Variants in GOT2 observed in about 807,000 individuals in gnomAD.
GOT2 encodes glutamic-oxaloacetic transaminase 2, also known as aspartate aminotransferase, mitochondrial.
A neutral mutation model predicts 50.0 loss-of-function variants in GOT2; 17 were observed. The observed-to-expected ratio is 0.34, with a 90% confidence interval of 0.23 to 0.51. GOT2 has a LOEUF of 0.51. GOT2 is among the 20% of genes least tolerant of loss of function. The probability of loss-of-function intolerance (pLI) is 0.97; values close to 1 mark genes in which losing one functional copy is unlikely to be tolerated. For missense variants in GOT2, 430 were observed against 559.6 expected, an observed-to-expected ratio of 0.77 and a Z score of 2.34; for synonymous variants, 172 against 204.9, an observed-to-expected ratio of 0.84 and a Z score of 1.37.
At chr16:58,718,921 G>A (rs966609439) in intron 4 of GOT2, among the ~76,000 whole-genome samples, 1 of 152,166 alleles carries the variant, frequency 6.6e-6, no homozygotes, top group African/African-American at 2.4e-5. Flanking sequence ...TGTAAAGGGG[G>A]TTAATTGTAC....
intron 1 of GOT2, among the ~76,000 whole-genome samples, chr16:58,727,929 T>C (rs566912022): frequency 6.6e-6 from 1 of 152,268 alleles, no homozygotes. Flanking sequence ...AAGTTCTCCG[T>C]GTTCACCATG....
intron 8 of GOT2, among the ~76,000 whole-genome samples, chr16:58,714,586 T>C (rs1330226959): frequency 1.3e-5 from 2 of 150,832 alleles, no homozygotes; most frequent in Non-Finnish European, 1.5e-5. Context: ...GGTCTCGTTG[T>C]GCACACCTGT....
intron 8 of GOT2, among the ~76,000 whole-genome samples, chr16:58,711,473 G>A (rs1393856447): frequency 6.6e-6 from 1 of 152,112 alleles, no homozygotes; most frequent in Non-Finnish European, 1.5e-5. Context: ...CCTGTTCTTA[G>A]GTGTTCACTT....
intron 8 of GOT2, 140 bp downstream of exon 8, chr16:58,715,874 C>A: frequency 1.6e-6 from 1 of 642,090 alleles, no homozygotes; most frequent in Non-Finnish European, 2.6e-6. Context: ...AAAAGGAATG[C>A]ACATTTTTTG....
At chr16:58,716,479 GAATATATGGCT>G (rs1386917083) in intron 7 of GOT2, 173 bp downstream of exon 7, 4 of 634,344 alleles carry the variant, frequency 6.3e-6, no homozygotes, top group East Asian at 5.6e-5. Flanking sequence ...GGACACCGAA[GAATATATGGCT>G]AAGAAAATCA....
intron 9 of GOT2, among the ~76,000 whole-genome samples, chr16:58,708,765 C>G (rs957311574): frequency 2.0e-5 from 3 of 151,262 alleles, no homozygotes; most frequent in African/African-American, 7.3e-5. Context: ...TTGGGAGAAG[C>G]AACAGTGATT....
intron 7 of GOT2, 135 bp downstream of exon 7, chr16:58,716,528 C>A (rs1440087934): frequency 2.6e-5 from 19 of 733,912 alleles, no homozygotes; most frequent in Non-Finnish European, 3.3e-5. Context: ...GGTCTTTCAT[C>A]TTAGGGTAGG....
At chr16:58,728,349 C>T (rs2044804172) in intron 1 of GOT2, among the ~76,000 whole-genome samples, 1 of 152,062 alleles carries the variant, frequency 6.6e-6, no homozygotes, top group South Asian at 2.1e-4. Flanking sequence ...AAAATGGGGC[C>T]ATAAAACTAC....
intron 8 of GOT2, among the ~76,000 whole-genome samples, chr16:58,710,350 G>A (rs2044636439): frequency 6.6e-6 from 1 of 151,656 alleles, no homozygotes; most frequent in Non-Finnish European, 1.5e-5. Context: ...CTCCCAAGTA[G>A]CTGGGACCAC....
intron 2 of GOT2, among the ~76,000 whole-genome samples, chr16:58,722,949 C>T (rs1253048343): frequency 6.6e-6 from 1 of 152,118 alleles, no homozygotes; most frequent in Non-Finnish European, 1.5e-5. Context: ...AGCTATATGC[C>T]AGTCTAAGAA....
At chr16:58,716,927 A>T in intron 6 of GOT2, 114 bp from the exon 7 acceptor site, 1 of 907,620 alleles carries the variant, frequency 1.1e-6, no homozygotes, top group Non-Finnish European at 1.7e-6. Context: ...TAAGCACAAT[A>T]AGCCTTTTCT....
chr16:58,717,969 G>A (rs1259201092), intron 6 of GOT2, among the ~76,000 whole-genome samples: 1 of 152,218 alleles, frequency 6.6e-6, no homozygotes, highest in Non-Finnish European at 1.5e-5. Flanking sequence ...TTACAGGCGT[G>A]AGCCACCGCG....
At position 58,715,568 on chromosome 16, in the gene GOT2, T is replaced by C. The variant is rs530773194; in HGVS notation, c.1019+446A>G. Among the ~76,000 whole-genome samples the C allele has an allele frequency of 9.7e-4, 148 of 152,288 alleles. 1 individual carries two copies. The highest frequency in any genetic ancestry group is 1.8e-3 in the Non-Finnish European group (122 of 68,010). Reference sequence around the variant, plus strand: ...CTATCTATCTATCTATATATATAGATTGAGACGGAGTTTTGCTCTTGTTGC... The same window carrying C: ...CTATCTATCTATCTATATATATAGACTGAGACGGAGTTTTGCTCTTGTTGC... On this transcript the variant is annotated intron_variant, in intron 8 of 9. Coordinates refer to ENST00000245206, the MANE Select transcript of GOT2 (RefSeq NM_002080.4).
chr16:58,722,284 C>T lies in GOT2; in HGVS notation c.247-6G>A, dbSNP rs963965549. The T allele has an allele frequency of 3.1e-6, 5 of 1,612,632 alleles. No individual in the cohort carries two copies. The highest frequency in any genetic ancestry group is 1.7e-5 in the Admixed American group (1 of 59,986). On this transcript the variant is annotated splice_polypyrimidine_tract_variant and splice_region_variant and intron_variant, in intron 2 of 9. Coordinates refer to ENST00000245206, the MANE Select transcript of GOT2 (RefSeq NM_002080.4). ...GCGGCAATCTGGGCCTCTGCCTAGA[C>T]AAGAGAAAATACATCCATTGAATTT...
chr16:58,717,903 T>G (rs1318847692), intron 6 of GOT2, among the ~76,000 whole-genome samples: 1 of 152,214 alleles, frequency 6.6e-6, no homozygotes, highest in East Asian at 1.9e-4. Context: ...TTGGCCAGGC[T>G]GGTCTCGAAC....
intron 1 of GOT2, among the ~76,000 whole-genome samples, chr16:58,724,606 T>C (rs1357052347): frequency 6.6e-6 from 1 of 152,200 alleles, no homozygotes; most frequent in East Asian, 1.9e-4. Context: ...AATGACGTGA[T>C]CTCAGCTCAC....
intron 8 of GOT2, among the ~76,000 whole-genome samples, chr16:58,711,435 A>T (rs1251929942): frequency 6.6e-6 from 1 of 152,128 alleles, no homozygotes; most frequent in African/African-American, 2.4e-5. Flanking sequence ...GGCTCTCACC[A>T]ATGACATTCC....
intron 1 of GOT2, among the ~76,000 whole-genome samples, chr16:58,729,925 T>A (rs113479502): frequency 0.069 from 10,552 of 152,086 alleles, 851 homozygotes; most frequent in African/African-American, 0.2. Flanking sequence ...CAATTTTTTT[T>A]TTAAAAATGT....
chr16:58,725,251 A>G lies in GOT2; in HGVS notation c.90-1349T>C, dbSNP rs189962027. Among the ~76,000 whole-genome samples, 797 of 151,846 alleles carry G rather than the reference A, an allele frequency of 5.2e-3. 9 individuals are homozygous for G. Among genetic ancestry groups the G allele is most frequent in the Non-Finnish European group, 7.7e-3 (521 of 67,960 alleles). Reference sequence around the variant, plus strand: ...TGCCTCAGCCTCCCAAGTAGCTGGGATTACAAGTGTCCGCCACTACACCCA... The same window carrying G: ...TGCCTCAGCCTCCCAAGTAGCTGGGGTTACAAGTGTCCGCCACTACACCCA... On this transcript the variant is annotated intron_variant, in intron 1 of 9. Transcript: ENST00000245206.
Sources: gnomAD v4.1 joint callset for allele counts (sites outside exome capture counted in the v4.1 genomes callset) on GRCh38, gnomAD v4.1.1 for gene constraint, MANE v1.5 for transcripts, NCBI Gene and HGNC (gene_info 2026-07-23, HGNC 2026-07-21) for gene names.